TWSG1: variants seen among roughly 807,000 people sequenced by gnomAD.
The protein encoded by TWSG1 is twisted gastrulation BMP signaling modulator 1, also known as twisted gastrulation protein homolog 1.
A neutral mutation model predicts 23.0 loss-of-function variants in TWSG1; 15 were observed. That is an observed-to-expected ratio of 0.65 (90% CI 0.44 to 1.00). The LOEUF (loss-of-function observed/expected upper bound fraction) is 1.00, where lower values mean the gene tolerates loss of function less well. TWSG1 is among the 50% of genes least tolerant of loss of function. TWSG1 has a pLI of 0.00. For missense variants in TWSG1, 242 were observed against 278.7 expected (o/e 0.87, Z 0.94); for synonymous variants, 86 against 92.8 (o/e 0.93, Z 0.42).
rs780747350 is a variant in TWSG1, at chr18:9,396,297, AATT to A, written c.244_246del (p.Tyr82del). ...CAACCCAGGTATGTGTAATCCTCGA[AATT>A]ATAGTGACACACCTCCAACTTCAAA... On this transcript the variant is annotated inframe_deletion, in exon 4 of 5. Coordinates refer to ENST00000262120, the MANE Select transcript of TWSG1 (RefSeq NM_020648.6). 1 of 1,614,010 alleles carries A rather than the reference AATT, an allele frequency of 6.2e-7. No homozygotes were observed. The highest frequency in any genetic ancestry group is 1.3e-5 in the African/African-American group (1 of 74,922).
chr18:9,369,698 A>G (rs2040595806), intron 3 of TWSG1, among the ~76,000 whole-genome samples: 1 of 151,906 alleles, frequency 6.6e-6, no homozygotes, highest in African/African-American at 2.4e-5. Context: ...TACCCAGCTT[A>G]CTTTTTAATT....
chr18:9,388,870 T>C (rs1405628166), intron 3 of TWSG1, among the ~76,000 whole-genome samples: 2 of 152,038 alleles, frequency 1.3e-5, no homozygotes, highest in African/African-American at 4.8e-5. Flanking sequence ...TTCTTTAAAG[T>C]CTTCAGTAGA....
intron 3 of TWSG1, 24 bp downstream of exon 3, chr18:9,360,095 T>A: frequency 6.4e-7 from 1 of 1,558,804 alleles, no homozygotes; most frequent in Non-Finnish European, 8.8e-7. Flanking sequence ...AAGGGAGACT[T>A]CTTAATATTT....
intron 3 of TWSG1, among the ~76,000 whole-genome samples, chr18:9,362,177 A>C (rs2040555450): frequency 6.6e-6 from 1 of 152,212 alleles, no homozygotes. Flanking sequence ...ACTAAAAAAG[A>C]GGAAATAGTC....
chr18:9,387,245 A>C lies in TWSG1; in HGVS notation c.224-9035A>C, dbSNP rs116963627. ...ACATTTTTGTGTGCTACAGAGAAAGAAAATTCCAAGCATAGAAATGCCAAG... is the reference window on the plus strand; with the variant it reads ...ACATTTTTGTGTGCTACAGAGAAAGCAAATTCCAAGCATAGAAATGCCAAG... On this transcript the variant is annotated intron_variant, in intron 3 of 4. Transcript: ENST00000262120. Among the ~76,000 whole-genome samples the C allele has an allele frequency of 4.6e-5, 7 of 152,344 alleles. No individual in the cohort carries two copies. The East Asian group carries it at 1.3e-3, about 29-fold the overall frequency.
rs539130967 is a variant in TWSG1, at chr18:9,336,343, G to C, written c.-37-850G>C. ...GGAGGCGGAGGTTGCAGTGAGCCGA[G>C]ATTGCGCCACTGCACTCCAGCCTGG... On this transcript the variant is annotated intron_variant, in intron 1 of 4. Coordinates refer to ENST00000262120, the MANE Select transcript of TWSG1 (RefSeq NM_020648.6). Among the ~76,000 whole-genome samples, 26 of 151,280 alleles carry C rather than the reference G, an allele frequency of 1.7e-4. No individual in the cohort carries two copies. In the East Asian group the frequency reaches 3.5e-3, roughly 20 times the overall value.
chr18:9,347,998 A>T (rs926699171), intron 2 of TWSG1, among the ~76,000 whole-genome samples: 1 of 152,074 alleles, frequency 6.6e-6, no homozygotes, highest in South Asian at 2.1e-4. Context: ...CTTCAAATGT[A>T]TACATTTCTT....
chr18:9,352,183 A>G (rs922775594), intron 2 of TWSG1, among the ~76,000 whole-genome samples: 9 of 152,242 alleles, frequency 5.9e-5, no homozygotes, highest in Non-Finnish European at 1.2e-4. Flanking sequence ...CATACAGTAT[A>G]TAGCCTTTTG....
intron 2 of TWSG1, among the ~76,000 whole-genome samples, chr18:9,357,201 G>A (rs16954996): frequency 0.12 from 17,683 of 152,136 alleles, 1,175 homozygotes; most frequent in Middle Eastern, 0.27. Flanking sequence ...CTCTGTTTCT[G>A]ATAGGCCCAG....
chr18:9,375,911 A>T (rs2040628145), intron 3 of TWSG1, among the ~76,000 whole-genome samples: 1 of 150,808 alleles, frequency 6.6e-6, no homozygotes, highest in Non-Finnish European at 1.5e-5. Context: ...TCCCACCTTC[A>T]TCTATAGACT....
In TWSG1 at chr18:9,355,252, G is replaced by A. The variant is rs966903273; in HGVS notation, c.124-4720G>A. On this transcript the variant is annotated intron_variant, in intron 2 of 4. Coordinates refer to ENST00000262120, the MANE Select transcript of TWSG1 (RefSeq NM_020648.6). ...ATTACAGGCGTGAGCCACCACACCC[G>A]GCCTAAAGTTTTCTTTTTAAGTGTT... 7.2e-5 allele frequency among the ~76,000 whole-genome samples: 11 copies of A among 152,224 alleles called. No individual in the cohort carries two copies. In the South Asian group the frequency reaches 2.1e-3, roughly 29 times the overall value.
At chr18:9,368,841 G>A (rs941607994) in intron 3 of TWSG1, among the ~76,000 whole-genome samples, 11 of 151,986 alleles carry the variant, frequency 7.2e-5, no homozygotes, top group Admixed American at 4.6e-4. Flanking sequence ...CCAGCTATTC[G>A]GGAGGCTGAG....
intron 2 of TWSG1, among the ~76,000 whole-genome samples, chr18:9,348,847 T>C (rs1299655423): frequency 1.3e-5 from 2 of 152,232 alleles, no homozygotes; most frequent in Non-Finnish European, 2.9e-5. Flanking sequence ...TGAACTGATG[T>C]ACTATGAGGA....
rs2040737128 is a variant in TWSG1, at chr18:9,396,528, C to T, written c.472C>T (p.Pro158Ser). ...VSVPSNNVHA[P>S]YSSDKEHMCT... is the part of the protein sequence containing the mutation. ...TGTCCCCAGCAATAATGTTCACGCG[C>T]CTTATTCCAGTGACAAAGGTAACTG... The change falls in exon 4 of 5, where the codon CCT becomes TCT. Residue 158 changes from proline (P) to serine (S), a missense_variant. By Grantham distance (74) the Pro-to-Ser change is moderately conservative. Coordinates refer to ENST00000262120, the MANE Select transcript of TWSG1 (RefSeq NM_020648.6). The T allele has an allele frequency of 6.2e-7, 1 of 1,612,386 alleles. No homozygotes were observed. The highest frequency in any genetic ancestry group is 1.3e-5 in the African/African-American group (1 of 74,928).
At chr18:9,361,345 G>GT (rs932323361) in intron 3 of TWSG1, among the ~76,000 whole-genome samples, 2 of 152,138 alleles carry the variant, frequency 1.3e-5, no homozygotes, top group Non-Finnish European at 2.9e-5. Flanking sequence ...TTGCTGTTGA[G>GT]TTTTTTCCTT....
At chr18:9,362,648 A>G (rs1432796092) in intron 3 of TWSG1, among the ~76,000 whole-genome samples, 3 of 152,222 alleles carry the variant, frequency 2.0e-5, no homozygotes, top group Non-Finnish European at 4.4e-5. Flanking sequence ...TGTGTGTTAT[A>G]TATGTGTGTG....
chr18:9,378,810 A>G (rs1226332734), intron 3 of TWSG1, among the ~76,000 whole-genome samples: 1 of 149,852 alleles, frequency 6.7e-6, no homozygotes, highest in African/African-American at 2.5e-5. Context: ...ATCTCTACAA[A>G]AAATACCAAA....
At chr18:9,335,272 G>T (rs907892200) in intron 1 of TWSG1, among the ~76,000 whole-genome samples, 1 of 152,232 alleles carries the variant, frequency 6.6e-6, no homozygotes, top group Non-Finnish European at 1.5e-5. Context: ...CGCCTTCGGG[G>T]CCCTGGCACC....
chr18:9,381,086 A>G (rs2040653621), intron 3 of TWSG1, among the ~76,000 whole-genome samples: 4 of 152,222 alleles, frequency 2.6e-5, no homozygotes, highest in African/African-American at 9.6e-5. Context: ...TGGAGATTCT[A>G]ATTTACTCCG....
Sources: allele counts gnomAD v4.1 joint callset (sites outside exome capture counted in the v4.1 genomes callset), GRCh38; gene constraint gnomAD v4.1.1; transcripts MANE v1.5; gene names NCBI Gene and HGNC (gene_info 2026-07-23, HGNC 2026-07-21).